Variants in SUMF1 observed in about 807,000 individuals in gnomAD.
SUMF1 encodes the protein sulfatase modifying factor 1.
Under a neutral mutation model 47.6 loss-of-function variants are expected in SUMF1, and 48 were observed. The observed-to-expected ratio is 1.01, with a 90% CI of 0.80 to 1.28. SUMF1 has a LOEUF of 1.28. SUMF1 is among the 50% of genes most tolerant of loss of function. The probability of loss-of-function intolerance (pLI) is 0.00; values close to 1 mark genes in which losing one functional copy is unlikely to be tolerated. For missense variants in SUMF1, 571 were observed against 485.4 expected (o/e 1.18, Z -1.66); for synonymous variants, 230 against 192.1 (o/e 1.20, Z -1.63).
intron 8 of SUMF1, among the ~76,000 whole-genome samples, chr3:4,370,327 C>T (rs960751628): frequency 6.6e-6 from 1 of 152,112 alleles, no homozygotes; most frequent in African/African-American, 2.4e-5. Context: ...GTCTTAGAAA[C>T]CTTGTGTTCA....
intron 8 of SUMF1, among the ~76,000 whole-genome samples, chr3:4,187,109 C>A (rs537441250): frequency 6.6e-6 from 1 of 152,286 alleles, no homozygotes; most frequent in South Asian, 2.1e-4. Context: ...ATGGCTCATG[C>A]CTATAATCCC....
chr3:4,138,712 C>T (rs1309112301), intron 8 of SUMF1, among the ~76,000 whole-genome samples: 1 of 152,082 alleles, frequency 6.6e-6, no homozygotes, highest in Non-Finnish European at 1.5e-5. Context: ...TCAGACTTCA[C>T]TTTATGCAAC....
At chr3:4,127,168 TA>T (rs1194604520) in intron 8 of SUMF1, among the ~76,000 whole-genome samples, 2 of 152,092 alleles carry the variant, frequency 1.3e-5, no homozygotes, top group African/African-American at 4.8e-5. Context: ...AAAATTACCG[TA>T]AAGCTACAAA....
chr3:4,096,333 T>A lies in SUMF1; in HGVS notation c.1015-27588A>T, dbSNP rs535031093. On this transcript the variant is annotated intron_variant and NMD_transcript_variant, in intron 8 of 12. Coordinates refer to the SUMF1 transcript ENST00000448413. ...GGGTCTTTCTCCCACACTATAGCTG[T>A]TAAGCAATCAAGTTCTCTATACTTG... Among the ~76,000 whole-genome samples the A allele has an allele frequency of 1.7e-4, 26 of 152,302 alleles. No homozygotes were observed. The South Asian group carries it at 5.4e-3, about 32-fold the overall frequency.
chr3:4,321,470 T>TAAA (rs1206478992), intron 8 of SUMF1, among the ~76,000 whole-genome samples: 703 of 63,680 alleles, frequency 0.011, 6 homozygotes, highest in African/African-American at 0.015. Context: ...AAGGAAATGC[T>TAAA]AAAAAAAAAA....
chr3:4,130,739 G>A (rs886236607), intron 8 of SUMF1, among the ~76,000 whole-genome samples: 13 of 151,978 alleles, frequency 8.6e-5, no homozygotes, highest in Non-Finnish European at 1.3e-4. Context: ...AATGCCTAGT[G>A]ACCCTATTTG....
intron 8 of SUMF1, among the ~76,000 whole-genome samples, chr3:4,264,607 A>T (rs1278582076): frequency 6.6e-6 from 1 of 152,126 alleles, no homozygotes; most frequent in East Asian, 1.9e-4. Context: ...AGTACTTTTA[A>T]AGTGCTTTTC....
intron 8 of SUMF1, among the ~76,000 whole-genome samples, chr3:4,138,165 A>G (rs753329569): frequency 6.6e-6 from 1 of 152,152 alleles, no homozygotes; most frequent in African/African-American, 2.4e-5. Context: ...AAATGGAAAG[A>G]TAATCTGTGT....
At chr3:4,448,531 C>T (rs910275756) in intron 3 of SUMF1, among the ~76,000 whole-genome samples, 4 of 152,108 alleles carry the variant, frequency 2.6e-5, no homozygotes, top group African/African-American at 7.2e-5. Flanking sequence ...GAACCCTCAA[C>T]TTCCCAGCTT....
At chr3:4,392,438 C>T (rs1337213464) in intron 7 of SUMF1, among the ~76,000 whole-genome samples, 1 of 151,868 alleles carries the variant, frequency 6.6e-6, no homozygotes, top group Non-Finnish European at 1.5e-5. Flanking sequence ...CTTAAATACT[C>T]ATCTTCTTTA....
intron 8 of SUMF1, among the ~76,000 whole-genome samples, chr3:4,185,381 T>A (rs1018193062): frequency 6.6e-6 from 1 of 152,170 alleles, no homozygotes; most frequent in Non-Finnish European, 1.5e-5. Context: ...CTTTTCATTG[T>A]TTTTTTGAAT....
At chr3:4,059,512 A>G (rs1384603185) in intron 9 of SUMF1, among the ~76,000 whole-genome samples, 1 of 152,170 alleles carries the variant, frequency 6.6e-6, no homozygotes, top group Non-Finnish European at 1.5e-5. Context: ...TGAATACACA[A>G]ATCTCTTAAA....
intron 8 of SUMF1, among the ~76,000 whole-genome samples, chr3:4,173,673 T>G (rs552562927): frequency 1.9e-4 from 29 of 152,276 alleles, no homozygotes; most frequent in Non-Finnish European, 3.4e-4. Context: ...ATGTGGCACA[T>G]ATACACCATA....
intron 8 of SUMF1, among the ~76,000 whole-genome samples, chr3:4,259,048 G>T (rs1439026552): frequency 6.7e-6 from 1 of 149,178 alleles, no homozygotes; most frequent in Admixed American, 6.7e-5. Context: ...TCACTCATAG[G>T]TGGGAATTGA....
At chr3:4,232,771 C>T (rs1356751952) in intron 8 of SUMF1, among the ~76,000 whole-genome samples, 1 of 151,970 alleles carries the variant, frequency 6.6e-6, no homozygotes, top group Non-Finnish European at 1.5e-5. Flanking sequence ...CTAATACATT[C>T]TCAGCACCTT....
At chr3:4,233,467 C>T (rs1202902136) in intron 8 of SUMF1, among the ~76,000 whole-genome samples, 1 of 151,950 alleles carries the variant, frequency 6.6e-6, no homozygotes, top group Non-Finnish European at 1.5e-5. Context: ...AAGTAGTCAA[C>T]TTAGATGCTT....
At chr3:4,128,133 A>C (rs1474268280) in intron 8 of SUMF1, among the ~76,000 whole-genome samples, 1 of 152,148 alleles carries the variant, frequency 6.6e-6, no homozygotes, top group East Asian at 1.9e-4. Context: ...CTGAGCTTCA[A>C]ATCTGCTAAG....
chr3:4,287,168 T>G (rs1316012179), intron 8 of SUMF1, among the ~76,000 whole-genome samples: 2 of 152,156 alleles, frequency 1.3e-5, no homozygotes, highest in Non-Finnish European at 2.9e-5. Flanking sequence ...TCCTAATATG[T>G]TAAATACTGG....
chr3:4,086,976 T>G (rs1031225526), intron 8 of SUMF1, among the ~76,000 whole-genome samples: 1 of 152,162 alleles, frequency 6.6e-6, no homozygotes, highest in Non-Finnish European at 1.5e-5. Context: ...TTACCCAGTC[T>G]TGGGTATGTC....
Sources: gnomAD v4.1 joint callset for allele counts (sites outside exome capture counted in the v4.1 genomes callset) on GRCh38, gnomAD v4.1.1 for gene constraint, MANE v1.5 for transcripts, NCBI Gene and HGNC (gene_info 2026-07-23, HGNC 2026-07-21) for gene names.